Variants in LRRC72 observed in about 807,000 individuals in gnomAD.
LRRC72 encodes the protein leucine rich repeat containing 72.
In LRRC72, 41 loss-of-function variants were observed where a neutral mutation model predicts 35.8. The observed-to-expected ratio is 1.15, with a 90% CI of 0.89 to 1.49. The LOEUF is 1.49. Ranked by LOEUF, LRRC72 falls within the 40% of genes most tolerant of loss-of-function variation. LRRC72 has a pLI of 0.00. For missense variants in LRRC72, 389 were observed against 330.7 expected, an observed-to-expected ratio of 1.18 and a Z score of -1.37; for synonymous variants, 118 against 119.2, an observed-to-expected ratio of 0.99 and a Z score of 0.07.
At chr7:16,552,646 G>A (rs1782573596) in intron 3 of LRRC72, among the ~76,000 whole-genome samples, 1 of 152,178 alleles carries the variant, frequency 6.6e-6, no homozygotes, top group Non-Finnish European at 1.5e-5. Flanking sequence ...CCTAAGAGGT[G>A]GGGAAAACAT....
intron 3 of LRRC72, among the ~76,000 whole-genome samples, chr7:16,549,844 A>G (rs1159534145): frequency 6.7e-6 from 1 of 148,822 alleles, no homozygotes; most frequent in Non-Finnish European, 1.5e-5. Context: ...TATTTTATTA[A>G]TGTTTAGAAA....
At chr7:16,528,521 C>G (rs1225318953) in intron 1 of LRRC72, among the ~76,000 whole-genome samples, 1 of 152,128 alleles carries the variant, frequency 6.6e-6, no homozygotes, top group East Asian at 1.9e-4. Context: ...AATTCTCTGC[C>G]TCCATTTACT....
At chr7:16,530,919 G>T (rs1782150159) in intron 1 of LRRC72, among the ~76,000 whole-genome samples, 1 of 152,102 alleles carries the variant, frequency 6.6e-6, no homozygotes, top group South Asian at 2.1e-4. Context: ...GATGAGGGCT[G>T]GGCACAATGG....
chr7:16,543,433 A>G (rs1287409125), intron 3 of LRRC72, among the ~76,000 whole-genome samples: 1 of 152,196 alleles, frequency 6.6e-6, no homozygotes, highest in African/African-American at 2.4e-5. Flanking sequence ...TTGTTTATTC[A>G]CTTATTCAAT....
At position 16,574,093 on chromosome 7, in the gene LRRC72, C is replaced by T. The variant is rs376909694; in HGVS notation, c.671-5981C>T. Among the ~76,000 whole-genome samples, 14 of 152,246 alleles carry T rather than the reference C, an allele frequency of 9.2e-5. No homozygotes were observed. The East Asian group carries it at 2.1e-3, about 23-fold the overall frequency. ...ATTAGAGAAATGCAAATAAAAACAA[C>T]AATGAGATACCAACTCATGCCAGTT... On this transcript the variant is annotated intron_variant, in intron 7 of 8. Transcript: ENST00000401542.
At chr7:16,565,646 C>A (rs76201106) in intron 5 of LRRC72, among the ~76,000 whole-genome samples, 2,056 of 152,258 alleles carry the variant, frequency 0.014, 32 homozygotes, top group South Asian at 0.048. Context: ...TCTGCATCCA[C>A]ATGCCCCCTT....
At chr7:16,534,558 A>G (rs1782220552) in intron 2 of LRRC72, among the ~76,000 whole-genome samples, 1 of 152,210 alleles carries the variant, frequency 6.6e-6, no homozygotes, top group Admixed American at 6.5e-5. Context: ...AACTTGACAC[A>G]GTTAATACTT....
chr7:16,542,981 G>A (rs1486644288), intron 3 of LRRC72, among the ~76,000 whole-genome samples: 2 of 152,170 alleles, frequency 1.3e-5, no homozygotes, highest in Non-Finnish European at 2.9e-5. Context: ...AACAGCTTCT[G>A]AGTGGTTATG....
intron 7 of LRRC72, among the ~76,000 whole-genome samples, chr7:16,572,279 A>G (rs1479725926): frequency 1.3e-5 from 2 of 152,332 alleles, no homozygotes; most frequent in South Asian, 4.1e-4. Flanking sequence ...CCATAGAAAA[A>G]GAGGAACTCC....
At chr7:16,580,802 G>T (rs1170355512) in intron 8 of LRRC72, among the ~76,000 whole-genome samples, 1 of 152,028 alleles carries the variant, frequency 6.6e-6, no homozygotes, top group South Asian at 2.1e-4. Context: ...CCAAAAGCAA[G>T]CACCTCACTA....
At chr7:16,572,445 C>G (rs1056286977) in intron 7 of LRRC72, among the ~76,000 whole-genome samples, 6 of 152,178 alleles carry the variant, frequency 3.9e-5, no homozygotes, top group Non-Finnish European at 7.3e-5. Flanking sequence ...CATCAAAAAG[C>G]TTATCCACCA....
intron 7 of LRRC72, among the ~76,000 whole-genome samples, chr7:16,570,819 C>T (rs944284308): frequency 5.3e-5 from 8 of 152,100 alleles, no homozygotes; most frequent in Non-Finnish European, 1.0e-4. Flanking sequence ...TCAAAACAAA[C>T]AAACAAACAA....
chr7:16,578,827 C>T (rs1224376017), intron 7 of LRRC72, among the ~76,000 whole-genome samples: 1 of 152,044 alleles, frequency 6.6e-6, no homozygotes, highest in Non-Finnish European at 1.5e-5. Context: ...ATGGATGACA[C>T]TGGAGAGCGT....
intron 5 of LRRC72, among the ~76,000 whole-genome samples, chr7:16,560,543 G>A (rs1782728157): frequency 6.6e-6 from 1 of 152,044 alleles, no homozygotes; most frequent in South Asian, 2.1e-4. Flanking sequence ...GCATATTTGA[G>A]TCACCTGGCC....
intron 1 of LRRC72, among the ~76,000 whole-genome samples, chr7:16,531,303 A>G (rs1412727691): frequency 6.6e-6 from 1 of 152,126 alleles, no homozygotes; most frequent in Admixed American, 6.5e-5. Flanking sequence ...ATAACAAAGC[A>G]CCCTGATGGC....
intron 7 of LRRC72, among the ~76,000 whole-genome samples, chr7:16,578,722 T>G (rs879303090): frequency 3.9e-5 from 6 of 152,180 alleles, no homozygotes; most frequent in Non-Finnish European, 8.8e-5. Context: ...ACTCACTATT[T>G]TCTTTATTGT....
At chr7:16,554,330 A>AAAAT (rs560705042) in intron 3 of LRRC72, among the ~76,000 whole-genome samples, 88 of 152,310 alleles carry the variant, frequency 5.8e-4, no homozygotes, top group African/African-American at 1.8e-3. Flanking sequence ...ACTCCATCTC[A>AAAAT]AAATAAATAA....
chr7:16,574,776 A>G (rs1225875808), intron 7 of LRRC72, among the ~76,000 whole-genome samples: 1 of 151,834 alleles, frequency 6.6e-6, no homozygotes, highest in African/African-American at 2.4e-5. Flanking sequence ...CTGCACATAT[A>G]TCCTAAAACT....
intron 5 of LRRC72, among the ~76,000 whole-genome samples, chr7:16,560,252 T>G (rs1658913359): frequency 6.6e-6 from 1 of 152,244 alleles, no homozygotes; most frequent in Non-Finnish European, 1.5e-5. Flanking sequence ...GACAGTGTTT[T>G]GAACAGTTGT....
Sources: gnomAD v4.1 joint callset for allele counts (sites outside exome capture counted in the v4.1 genomes callset) on GRCh38, gnomAD v4.1.1 for gene constraint, MANE v1.5 for transcripts, NCBI Gene and HGNC (gene_info 2026-07-23, HGNC 2026-07-21) for gene names.